Variants in LGR6 observed in about 807,000 individuals in gnomAD.
LGR6 encodes leucine-rich repeat-containing G protein-coupled receptor 6.
Under a neutral mutation model 69.4 loss-of-function variants are expected in LGR6, and 45 were observed. The observed-to-expected ratio is 0.65, with a 90% confidence interval of 0.51 to 0.83. The LOEUF is 0.83. Ranked by LOEUF, LGR6 falls within the 40% of genes least tolerant of loss-of-function variation. The pLI, the probability that LGR6 is intolerant of heterozygous loss-of-function variation, is 0.00. For synonymous variants in LGR6, 538 were observed against 555.0 expected (o/e 0.97, Z 0.43); for missense variants, 1,108 against 1,246.7 (o/e 0.89, Z 1.68).
chr1:202,249,558 C>T (rs1277315428), intron 4 of LGR6, among the ~76,000 whole-genome samples: 9 of 152,184 alleles, frequency 5.9e-5, no homozygotes, highest in Non-Finnish European at 1.3e-4. Context: ...GCATGACTCA[C>T]GGGGCTTCAA....
intron 16 of LGR6, among the ~76,000 whole-genome samples, chr1:202,314,429 A>G (rs546514234): frequency 6.6e-6 from 1 of 152,234 alleles, no homozygotes; most frequent in Non-Finnish European, 1.5e-5. Context: ...ACAAAATTAC[A>G]GTGACAGCCC....
intron 17 of LGR6, among the ~76,000 whole-genome samples, chr1:202,316,485 A>G (rs1383481564): frequency 6.6e-6 from 1 of 152,344 alleles, no homozygotes; most frequent in East Asian, 1.9e-4. Context: ...CCCCACCTCC[A>G]ACATTCCCAC....
In LGR6 at chr1:202,268,306, C is replaced by T. The variant is rs1664829937; in HGVS notation, c.429-8000C>T. On this transcript the variant is annotated intron_variant, in intron 4 of 17. Coordinates refer to ENST00000367278, the MANE Select transcript of LGR6 (RefSeq NM_001017403.2). This position sits in a 1 kb window ranked among gnomAD's most constrained non-coding sequence, Gnocchi z 4.4. Reference sequence around the variant, plus strand: ...GCCTATGGAAGGCCCAAGGGCATCTCCTCACTGCTCGGCAGGTGCCAGCCT... The same window carrying T: ...GCCTATGGAAGGCCCAAGGGCATCTTCTCACTGCTCGGCAGGTGCCAGCCT... 6.6e-6 allele frequency among the ~76,000 whole-genome samples: 1 copy of T among 152,190 alleles called. No individual in the cohort carries two copies. Among genetic ancestry groups the T allele is most frequent in the East Asian group, 1.9e-4 (1 of 5,184 alleles).
At chr1:202,214,141 TC>T in intron 1 of LGR6, 1 of 1,480,770 alleles carries the variant, frequency 6.8e-7, no homozygotes, top group Non-Finnish European at 8.9e-7. Context: ...GCACTCGAGG[TC>T]CCAGGGGCCG....
At chr1:202,264,369 A>ATT (rs1664480967) in intron 4 of LGR6, among the ~76,000 whole-genome samples, 1 of 152,202 alleles carries the variant, frequency 6.6e-6, no homozygotes, top group African/African-American at 2.4e-5. Context: ...TATCACTTCT[A>ATT]TTCCCTAAGC....
intron 9 of LGR6, among the ~76,000 whole-genome samples, chr1:202,301,755 T>C (rs780475366): frequency 6.6e-6 from 1 of 152,050 alleles, no homozygotes; most frequent in Non-Finnish European, 1.5e-5. Flanking sequence ...AGAGGCTCAC[T>C]CCTGTAATCC....
chr1:202,306,278 G>T (rs1653179001), intron 12 of LGR6, among the ~76,000 whole-genome samples: 1 of 152,204 alleles, frequency 6.6e-6, no homozygotes, highest in Non-Finnish European at 1.5e-5. Flanking sequence ...AATTCTCTAA[G>T]CTGTATTAAC....
At chr1:202,297,973 G>A (rs1294350596) in intron 7 of LGR6, among the ~76,000 whole-genome samples, 1 of 152,130 alleles carries the variant, frequency 6.6e-6, no homozygotes, top group Non-Finnish European at 1.5e-5. Flanking sequence ...TGTCCCCAGG[G>A]GTACTGAGAA....
intron 9 of LGR6, among the ~76,000 whole-genome samples, chr1:202,301,706 A>G (rs1667607112): frequency 6.6e-6 from 1 of 152,074 alleles, no homozygotes; most frequent in South Asian, 2.1e-4. Flanking sequence ...TTCCAGCCCA[A>G]GTCCCACTTC....
chr1:202,309,000 C>T (rs1653494598), intron 14 of LGR6, 51 bp from the exon 15 acceptor site: 1 of 1,607,230 alleles, frequency 6.2e-7, no homozygotes, highest in Non-Finnish European at 8.5e-7. Context: ...CAGCCCTGCC[C>T]CCTCAGCAAT....
chr1:202,273,329 G>A (rs1307409037), intron 4 of LGR6, among the ~76,000 whole-genome samples: 1 of 152,208 alleles, frequency 6.6e-6, no homozygotes, highest in African/African-American at 2.4e-5. Flanking sequence ...CAGGCTTCCT[G>A]GGTCTGTTAA....
intron 1 of LGR6, among the ~76,000 whole-genome samples, chr1:202,205,386 C>A (rs1187912321): frequency 2.7e-4 from 11 of 41,246 alleles, no homozygotes; most frequent in Non-Finnish European, 4.0e-4. Context: ...ACACCTCACA[C>A]ACCTCCTTCA....
At chr1:202,194,636 ATG>A in intron 1 of LGR6, 1 of 505,058 alleles carries the variant, frequency 2.0e-6, no homozygotes, top group South Asian at 1.5e-5. Flanking sequence ...GGTGGAAATA[ATG>A]TCTGTTCTTC....
Position 202,207,905 on chromosome 1 carries a change from C to G in LGR6, c.212+13704C>G, listed in dbSNP as rs535884316. Among the ~76,000 whole-genome samples, 6 of 152,332 alleles carry G rather than the reference C, an allele frequency of 3.9e-5. No homozygotes were observed. The South Asian group carries it at 1.2e-3, about 32-fold the overall frequency. ...ACACTTAGTAGTAGGCACAGCTGTG[C>G]TAGGTGCTGACACTAACTTTCACTG... On this transcript the variant is annotated intron_variant, in intron 1 of 17. Transcript: ENST00000367278.
intron 6 of LGR6, among the ~76,000 whole-genome samples, chr1:202,288,368 C>T (rs923000278): frequency 1.3e-5 from 2 of 152,188 alleles, no homozygotes; most frequent in African/African-American, 4.8e-5. Flanking sequence ...AATTGCCTGC[C>T]CCTTACCGCT....
At chr1:202,206,905 ATTTATTTATTTATTTAT>A (rs1313374984) in intron 1 of LGR6, among the ~76,000 whole-genome samples, 1 of 79,142 alleles carries the variant, frequency 1.3e-5, no homozygotes. Context: ...TTATTTATTT[ATTTATTTATTTATTTAT>A]TTATTTATTT....
intron 1 of LGR6, among the ~76,000 whole-genome samples, chr1:202,224,884 GGGATTGAATCAGAGGTTGGTCCCCCAA>G (rs1287768226): frequency 2.6e-5 from 4 of 152,180 alleles, no homozygotes. Context: ...CACTAGCTCT[GGGATTGAATCAGAGGTTGGTCCCCCAA>G]GGGGAGCCCA....
At chr1:202,281,918 A>G (rs964046111) in intron 6 of LGR6, among the ~76,000 whole-genome samples, 2 of 152,092 alleles carry the variant, frequency 1.3e-5, no homozygotes, top group Non-Finnish European at 2.9e-5. Flanking sequence ...GGGGAAAACC[A>G]TTTGGGAAAA....
At chr1:202,264,518 A>G (rs896161161) in intron 4 of LGR6, among the ~76,000 whole-genome samples, 5 of 152,180 alleles carry the variant, frequency 3.3e-5, no homozygotes, top group African/African-American at 1.2e-4. Context: ...TCCCAAGCAC[A>G]TCTCAGACAG....
Sources: allele counts gnomAD v4.1 joint callset (sites outside exome capture counted in the v4.1 genomes callset), GRCh38; gene constraint gnomAD v4.1.1; non-coding constraint Gnocchi (gnomAD v3.1); transcripts MANE v1.5; gene names NCBI Gene and HGNC (gene_info 2026-07-23, HGNC 2026-07-21).